MYO1B: variants seen among roughly 807,000 people sequenced by gnomAD.
MYO1B encodes the protein myosin IB, also known as unconventional myosin-Ib.
In MYO1B, 72 loss-of-function variants were observed where a neutral mutation model predicts 159.7. The observed-to-expected ratio is 0.45, with a 90% confidence interval of 0.37 to 0.55. MYO1B has a LOEUF of 0.55. MYO1B is among the 20% of genes least tolerant of loss of function. The pLI is 0.00. For synonymous variants in MYO1B, 468 were observed against 473.8 expected (o/e 0.99, Z 0.16); for missense variants, 1,062 against 1,364.8 (o/e 0.78, Z 3.50).
rs367755804 is a variant in MYO1B at position 191,418,704 on chromosome 2, G to A, written c.3287+2462G>A. 7.9e-5 allele frequency among the ~76,000 whole-genome samples: 12 copies of A among 152,176 alleles called. No individual in the cohort carries two copies. In the East Asian group the frequency reaches 1.2e-3, roughly 15 times the overall value. ...GGGTTTCTCCATGTTGGTCAGGCTG[G>A]TCTCGAACTCCTGACCTCAGGTGAT... is the stretch of plus-strand genomic sequence containing the variant. On this transcript the variant is annotated intron_variant, in intron 30 of 30. Coordinates refer to ENST00000392318, the MANE Select transcript of MYO1B (RefSeq NM_001130158.3).
At chr2:191,317,522 C>T (rs966525111) in intron 3 of MYO1B, among the ~76,000 whole-genome samples, 4 of 152,232 alleles carry the variant, frequency 2.6e-5, no homozygotes, top group Admixed American at 6.5e-5. Context: ...TACATGTGCA[C>T]AACGTGCAGG....
At chr2:191,326,784 G>A (rs951080159) in intron 3 of MYO1B, among the ~76,000 whole-genome samples, 306 of 139,480 alleles carry the variant, frequency 2.2e-3, no homozygotes, top group African/African-American at 9.4e-3. Flanking sequence ...GTGTGTGTGT[G>A]TGTGTGTGTG....
At chr2:191,375,113 A>G (rs1343994333) in intron 13 of MYO1B, among the ~76,000 whole-genome samples, 2 of 152,230 alleles carry the variant, frequency 1.3e-5, no homozygotes, top group Non-Finnish European at 2.9e-5. Context: ...AGTTTAACAC[A>G]GGCAAAGTGC....
At position 191,423,815 on chromosome 2, in the gene MYO1B, TTGTTTTA is replaced by T; in HGVS notation, c.3288-20_3288-14del. The T allele has an allele frequency of 6.3e-7, 1 of 1,598,894 alleles. No individual in the cohort carries two copies. The highest frequency in any genetic ancestry group is 8.5e-7 in the Non-Finnish European group (1 of 1,174,714). Reference sequence around the variant, plus strand: ...TGAGCTGTTTTGTGTATACTTTAATTTGTTTTATTCTTTTCTCCTAGGTTCCTGGTAC... The same window carrying T: ...TGAGCTGTTTTGTGTATACTTTAATTTTCTTTTCTCCTAGGTTCCTGGTAC... On this transcript the variant is annotated splice_polypyrimidine_tract_variant and intron_variant, in intron 30 of 30. Coordinates refer to ENST00000392318, the MANE Select transcript of MYO1B (RefSeq NM_001130158.3).
chr2:191,404,005 CT>C (rs547291925), intron 24 of MYO1B, among the ~76,000 whole-genome samples: 36 of 152,268 alleles, frequency 2.4e-4, no homozygotes, highest in African/African-American at 7.9e-4. Context: ...CTAGACATAA[CT>C]TTTTTCCTCT....
intron 7 of MYO1B, among the ~76,000 whole-genome samples, chr2:191,355,231 C>T (rs1037532855): frequency 5.3e-5 from 8 of 152,214 alleles, no homozygotes; most frequent in African/African-American, 1.4e-4. Flanking sequence ...CAGTCGCCAG[C>T]AGACAACCAA....
intron 3 of MYO1B, among the ~76,000 whole-genome samples, chr2:191,302,876 A>G (rs1001659895): frequency 1.3e-5 from 2 of 152,174 alleles, no homozygotes; most frequent in Non-Finnish European, 2.9e-5. Flanking sequence ...AGCACCTGGT[A>G]TAGTGCTAAT....
chr2:191,305,263 C>T (rs1439654795), intron 3 of MYO1B, among the ~76,000 whole-genome samples: 3 of 152,172 alleles, frequency 2.0e-5, no homozygotes, highest in African/African-American at 7.2e-5. Flanking sequence ...GCCAAAGGAG[C>T]CCTGTGGGGA....
At chr2:191,322,099 C>G (rs893719092) in intron 3 of MYO1B, among the ~76,000 whole-genome samples, 1 of 152,136 alleles carries the variant, frequency 6.6e-6, no homozygotes. Context: ...GTAGAATTAG[C>G]CTTTTTGCTT....
intron 1 of MYO1B, among the ~76,000 whole-genome samples, chr2:191,251,700 T>TTA (rs1193075346): frequency 2.0e-5 from 3 of 152,210 alleles, no homozygotes; most frequent in Non-Finnish European, 4.4e-5. Flanking sequence ...TGCAATATCT[T>TTA]TAAAGACTTT....
chr2:191,361,164 C>T (rs1693647168), intron 8 of MYO1B, among the ~76,000 whole-genome samples: 1 of 152,136 alleles, frequency 6.6e-6, no homozygotes, highest in South Asian at 2.1e-4. Context: ...ATTTCAGCAG[C>T]TAGAACTGCC....
At chr2:191,326,394 G>GT (rs934067039) in intron 3 of MYO1B, among the ~76,000 whole-genome samples, 4 of 151,946 alleles carry the variant, frequency 2.6e-5, no homozygotes, top group African/African-American at 4.8e-5. Flanking sequence ...CCCACCCCTT[G>GT]TTTTTTTAAA....
chr2:191,401,862 G>A lies in MYO1B; in HGVS notation c.2470-770G>A, dbSNP rs926937853. On this transcript the variant is annotated intron_variant, in intron 23 of 30. Coordinates refer to ENST00000392318, the MANE Select transcript of MYO1B (RefSeq NM_001130158.3). ...GGTCTTGCTAAGATTTCTCCATCCA[G>A]TGAGTTCATTTCCCAGTCTCAGTAC... The A allele has an allele frequency of 5.3e-5, 8 of 152,224 alleles. 1 individual carries two copies. Among genetic ancestry groups the A allele is most frequent in the African/African-American group, 1.9e-4 (8 of 41,452 alleles). The allele number at this position is 152,224 out of a possible 1,614,324, so 9.4% of individuals were successfully genotyped here.
chr2:191,360,553 G>T, intron 7 of MYO1B, 78 bp from the exon 8 acceptor site: 1 of 864,386 alleles, frequency 1.2e-6, no homozygotes. Context: ...AAAGAAAAAA[G>T]AAAGTGAGAA....
chr2:191,412,516 G>A (rs2126171615), intron 27 of MYO1B, among the ~76,000 whole-genome samples: 1 of 152,320 alleles, frequency 6.6e-6, no homozygotes, highest in Middle Eastern at 3.4e-3. Context: ...AGTGAGAGAG[G>A]TGGAATAATT....
intron 2 of MYO1B, among the ~76,000 whole-genome samples, chr2:191,280,663 ATTGGAGTTGAACCAGATT>A (rs547550983): frequency 6.6e-5 from 10 of 152,250 alleles, no homozygotes; most frequent in African/African-American, 2.4e-4. Flanking sequence ...GATGTTTAAG[ATTGGAGTTGAACCAGATT>A]TTTCCAAAGT....
chr2:191,314,251 G>A (rs1350426107), intron 3 of MYO1B, among the ~76,000 whole-genome samples: 3 of 152,082 alleles, frequency 2.0e-5, no homozygotes, highest in Non-Finnish European at 4.4e-5. Flanking sequence ...TCATGTTTCT[G>A]TTGTTACTTT....
intron 2 of MYO1B, 49 bp downstream of exon 2, chr2:191,277,079 G>A: frequency 6.3e-7 from 1 of 1,580,746 alleles, no homozygotes; most frequent in Non-Finnish European, 8.6e-7. Context: ...TGTATTTTGT[G>A]CCAGAGAGCT....
At chr2:191,368,165 A>C (rs1694130322) in intron 11 of MYO1B, among the ~76,000 whole-genome samples, 1 of 152,224 alleles carries the variant, frequency 6.6e-6, no homozygotes, top group South Asian at 2.1e-4. Context: ...TGAATCTGTT[A>C]TTAAAGTTGT....
Sources: allele counts gnomAD v4.1 joint callset (sites outside exome capture counted in the v4.1 genomes callset), GRCh38; gene constraint gnomAD v4.1.1; transcripts MANE v1.5; gene names NCBI Gene and HGNC (gene_info 2026-07-23, HGNC 2026-07-21).